Variants in B3GALT1 observed in about 807,000 individuals in gnomAD.
The protein encoded by B3GALT1 is beta-1,3-galactosyltransferase 1, also known as UDP-Gal:betaGlcNAc beta 1,3-galactosyltransferase, polypeptide 1.
A neutral mutation model predicts 23.2 loss-of-function variants in B3GALT1; 10 were observed. That is an observed-to-expected ratio of 0.43 (90% CI 0.27 to 0.73). B3GALT1 has a LOEUF of 0.73. Among genes scored for constraint, B3GALT1 ranks in the 30% least tolerant of loss-of-function variants. The pLI, the probability that B3GALT1 is intolerant of heterozygous loss-of-function variation, is 0.21. For missense variants in B3GALT1, 299 were observed against 405.4 expected, an observed-to-expected ratio of 0.74 and a Z score of 2.25; for synonymous variants, 156 against 141.5, an observed-to-expected ratio of 1.10 and a Z score of -0.73.
chr2:167,700,554 G>A (rs969191026), intron 3 of B3GALT1, among the ~76,000 whole-genome samples: 1 of 152,234 alleles, frequency 6.6e-6, no homozygotes, highest in Admixed American at 6.5e-5. Context: ...TCTCTAAAGT[G>A]TATTAGTATG....
intron 1 of B3GALT1, among the ~76,000 whole-genome samples, chr2:167,445,346 T>C (rs974034968): frequency 6.6e-6 from 1 of 152,204 alleles, no homozygotes; most frequent in Non-Finnish European, 1.5e-5. Context: ...ATTCTGTTGA[T>C]TTGGGGTGAA....
At chr2:167,575,727 G>A (rs1684369990) in intron 2 of B3GALT1, among the ~76,000 whole-genome samples, 1 of 151,698 alleles carries the variant, frequency 6.6e-6, no homozygotes, top group Non-Finnish European at 1.5e-5. Flanking sequence ...GTTTTACGTA[G>A]GCAATCTGTA....
intron 2 of B3GALT1, among the ~76,000 whole-genome samples, chr2:167,539,506 T>C (rs1227126): frequency 0.021 from 3,224 of 152,314 alleles, 119 homozygotes; most frequent in African/African-American, 0.073. Context: ...GAGTGATATC[T>C]ATTTTGAACC....
intron 4 of B3GALT1, among the ~76,000 whole-genome samples, chr2:167,855,816 A>C (rs1007108436): frequency 1.3e-5 from 2 of 152,128 alleles, no homozygotes; most frequent in Non-Finnish European, 2.9e-5. Flanking sequence ...AAACTGTCTG[A>C]TGGACTTTCA....
chr2:167,378,998 C>G (rs188607452), intron 1 of B3GALT1, among the ~76,000 whole-genome samples: 1 of 152,090 alleles, frequency 6.6e-6, no homozygotes, highest in East Asian at 1.9e-4. Context: ...TTTCTTTCTT[C>G]CTGTAATAGT....
At chr2:167,776,868 G>A (rs561449220) in intron 3 of B3GALT1, among the ~76,000 whole-genome samples, 57 of 152,016 alleles carry the variant, frequency 3.7e-4, no homozygotes, top group African/African-American at 1.2e-3. Flanking sequence ...ATCTAGCTTC[G>A]TTTTGTCTTT....
chr2:167,819,041 G>A (rs1689054553), intron 4 of B3GALT1, among the ~76,000 whole-genome samples: 1 of 151,946 alleles, frequency 6.6e-6, no homozygotes, highest in Admixed American at 6.6e-5. Context: ...ACATGTGTAG[G>A]ACGTGCAGGA....
chr2:167,493,447 C>A (rs978670760), intron 2 of B3GALT1, among the ~76,000 whole-genome samples: 4 of 152,084 alleles, frequency 2.6e-5, no homozygotes, highest in Non-Finnish European at 4.4e-5. Flanking sequence ...ACCAGACAAG[C>A]TTTATAATTT....
At chr2:167,332,266 G>T (rs1006307829) in intron 1 of B3GALT1, among the ~76,000 whole-genome samples, 1 of 152,086 alleles carries the variant, frequency 6.6e-6, no homozygotes, top group East Asian at 1.9e-4. Context: ...GCTCCTGGCC[G>T]ATTCTGAGGC....
intron 1 of B3GALT1, among the ~76,000 whole-genome samples, chr2:167,338,158 C>G (rs1278117825): frequency 1.3e-5 from 2 of 152,144 alleles, no homozygotes; most frequent in Non-Finnish European, 2.9e-5. Context: ...TGGTCACACA[C>G]AACAGCCAAT....
At chr2:167,710,368 C>T (rs1040314007) in intron 3 of B3GALT1, among the ~76,000 whole-genome samples, 2 of 152,170 alleles carry the variant, frequency 1.3e-5, no homozygotes, top group African/African-American at 4.8e-5. Context: ...TAGAAGCAAC[C>T]TTAGAGAACA....
At chr2:167,402,691 A>G (rs1434602862) in intron 1 of B3GALT1, among the ~76,000 whole-genome samples, 1 of 152,144 alleles carries the variant, frequency 6.6e-6, no homozygotes, top group African/African-American at 2.4e-5. Context: ...TAAGCAGCAA[A>G]CTTAAATCTC....
chr2:167,657,067 G>C (rs1050204256), intron 3 of B3GALT1, among the ~76,000 whole-genome samples: 21 of 152,116 alleles, frequency 1.4e-4, no homozygotes, highest in Non-Finnish European at 2.9e-5. Flanking sequence ...AACTGGTCAA[G>C]AGTGGTATCA....
At chr2:167,672,462 T>C (rs1686348937) in intron 3 of B3GALT1, among the ~76,000 whole-genome samples, 1 of 152,098 alleles carries the variant, frequency 6.6e-6, no homozygotes, top group Non-Finnish European at 1.5e-5. Flanking sequence ...CATTCCTTCT[T>C]CTACATGACT....
intron 1 of B3GALT1, among the ~76,000 whole-genome samples, chr2:167,438,795 A>G (rs1433477140): frequency 1.3e-5 from 2 of 152,188 alleles, no homozygotes; most frequent in Non-Finnish European, 2.9e-5. Flanking sequence ...TCTCATCCTT[A>G]CTTTTCCCCA....
chr2:167,472,900 A>G (rs115729149), intron 1 of B3GALT1, among the ~76,000 whole-genome samples: 1,745 of 152,200 alleles, frequency 0.011, 36 homozygotes, highest in African/African-American at 0.04. Flanking sequence ...CATGTGGGAG[A>G]AGTCTAAACG....
rs763412881 is a variant in B3GALT1 at position 167,855,058 on chromosome 2, T to C, written c.-229-13753T>C. Among the ~76,000 whole-genome samples, 102 of 152,246 alleles carry C rather than the reference T, an allele frequency of 6.7e-4. 1 individual carries two copies. Among genetic ancestry groups the C allele is most frequent in the Non-Finnish European group, 1.3e-3 (86 of 68,002 alleles). ...TAATATTGTTAAGGAAGTAGCCCAG[T>C]GAATGGGGATGAATTCTTCATCCTC... On this transcript the variant is annotated intron_variant, in intron 4 of 4. Transcript: ENST00000392690.
At chr2:167,799,128 A>G (rs186025879) in intron 3 of B3GALT1, among the ~76,000 whole-genome samples, 181 of 152,284 alleles carry the variant, frequency 1.2e-3, no homozygotes, top group African/African-American at 4.2e-3. Flanking sequence ...TTTCCTTAAT[A>G]TAGTACTTGA....
chr2:167,864,311 G>T (rs1330090212), intron 4 of B3GALT1, among the ~76,000 whole-genome samples: 1 of 152,170 alleles, frequency 6.6e-6, no homozygotes, highest in Non-Finnish European at 1.5e-5. Flanking sequence ...CCAGCACTTT[G>T]GATGGCCAAG....
Sources: allele counts gnomAD v4.1 joint callset (sites outside exome capture counted in the v4.1 genomes callset), GRCh38; gene constraint gnomAD v4.1.1; transcripts MANE v1.5; gene names NCBI Gene and HGNC (gene_info 2026-07-23, HGNC 2026-07-21).